The following KMT2A variants were observed in gnomAD, a reference collection of about 807,000 sequenced individuals.
KMT2A encodes lysine methyltransferase 2A.
In KMT2A, 16 loss-of-function variants were observed where a neutral mutation model predicts 345.3. That is an observed-to-expected ratio of 0.05 (90% CI 0.03 to 0.07). The LOEUF (loss-of-function observed/expected upper bound fraction) is 0.07. KMT2A is among the 10% of genes least tolerant of loss of function. The probability of loss-of-function intolerance (pLI) is 1.00; values close to 1 mark genes in which losing one functional copy is unlikely to be tolerated. For synonymous variants in KMT2A, 1,599 were observed against 1,778.6 expected, an observed-to-expected ratio of 0.90 and a Z score of 2.54; for missense variants, 3,272 against 4,841.6, an observed-to-expected ratio of 0.68 and a Z score of 9.62.
chr11:118,499,475 C>A, intron 23 of KMT2A, 55 bp downstream of exon 23: 1 of 1,155,766 alleles, frequency 8.7e-7, no homozygotes, highest in South Asian at 1.2e-5. Context: ...GGGGAAATTT[C>A]TGGTCCTCAG....
intron 1 of KMT2A, among the ~76,000 whole-genome samples, chr11:118,439,881 G>A (rs1949278366): frequency 6.6e-6 from 1 of 151,828 alleles, no homozygotes; most frequent in South Asian, 2.1e-4. Context: ...GCATTGAGTA[G>A]TGGTAAACCT....
chr11:118,461,923 AAGG>A (rs1247886957), intron 1 of KMT2A, among the ~76,000 whole-genome samples: 1 of 152,078 alleles, frequency 6.6e-6, no homozygotes, highest in Non-Finnish European at 1.5e-5. Context: ...AGTGCAGTGA[AAGG>A]AGGACTTTTT....
intron 31 of KMT2A, among the ~76,000 whole-genome samples, chr11:118,517,260 G>A (rs1278860384): frequency 6.6e-6 from 1 of 151,884 alleles, no homozygotes; most frequent in African/African-American, 2.4e-5. Context: ...GCCAGGCGTG[G>A]TGGCGGGCGC....
intron 3 of KMT2A, among the ~76,000 whole-genome samples, chr11:118,475,314 C>T (rs1555037263): frequency 1.3e-5 from 2 of 151,642 alleles, no homozygotes; most frequent in Non-Finnish European, 2.9e-5. Context: ...TAGTCACTGG[C>T]CTTTTCTGAG....
In KMT2A at chr11:118,477,498, C is replaced by CTTTTTTTTTTTTTTTTT. The variant is rs11430367; in HGVS notation, c.3335-458_3335-442dup. Among the ~76,000 whole-genome samples, 21 of 56,944 alleles carry CTTTTTTTTTTTTTTTTT rather than the reference C, an allele frequency of 3.7e-4. 7 individuals are homozygous for CTTTTTTTTTTTTTTTTT. Among genetic ancestry groups the CTTTTTTTTTTTTTTTTT allele is most frequent in the African/African-American group, 1.0e-3 (13 of 12,984 alleles). 37.4% of individuals were successfully genotyped at this position (56,944 alleles called of 152,430 possible). Reference sequence around the variant, plus strand: ...CTTTCATCAAGATGCAAGTTATTGGCTTTTTTTTTTTTTTTTTTTTTTTTT... The same window carrying CTTTTTTTTTTTTTTTTT: ...CTTTCATCAAGATGCAAGTTATTGGCTTTTTTTTTTTTTTTTTTTTTTTTTTTTTTTTTTTTTTTTTT... On this transcript the variant is annotated intron_variant, in intron 4 of 35. Transcript: ENST00000534358.
chr11:118,506,562 A>G lies in KMT2A; in HGVS notation c.10670A>G (p.Lys3557Arg), dbSNP rs782404924. ...CCTCTAGACAAAGGGAATGGCAAGA[A>G]GCACAAAGTTTCCCATTTGCGGACC... ...QLPLDKGNGKKHKVSHLRTSS... is the reference protein window; with the variant it reads ...QLPLDKGNGKRHKVSHLRTSS... The change falls in exon 27 of 36, where the codon AAG (lysine) becomes AGG (arginine). Residue 3557 changes from lysine to arginine, a missense_variant. By Grantham distance (26) the Lys-to-Arg change is conservative. Around this residue, in one of 27 missense-constraint regions of KMT2A, gnomAD observed 748 missense variants for 922.2 expected, o/e 0.81. Transcript: ENST00000534358. The G allele has an allele frequency of 6.2e-7, 1 of 1,614,116 alleles. No individual in the cohort carries two copies. The highest frequency in any genetic ancestry group is 8.5e-7 in the Non-Finnish European group (1 of 1,180,052).
At chr11:118,443,353 C>T (rs1264663570) in intron 1 of KMT2A, among the ~76,000 whole-genome samples, 1 of 152,172 alleles carries the variant, frequency 6.6e-6, no homozygotes, top group African/African-American at 2.4e-5. Flanking sequence ...CTTTTCTTGA[C>T]CTATCCAAAG....
chr11:118,480,942 C>G (rs1406042855), intron 6 of KMT2A, among the ~76,000 whole-genome samples: 3 of 152,178 alleles, frequency 2.0e-5, no homozygotes, highest in Non-Finnish European at 4.4e-5. Flanking sequence ...GCTGGAATTA[C>G]AGGCATGAGC....
chr11:118,481,826 G>A lies in KMT2A; in HGVS notation c.3746G>A (p.Arg1249Lys), dbSNP rs782711000. ...AGTCAGAAACCTACCCCATCAGCAA[G>A]AGAGGATCCTGCCCCAAAGAAAAGC... is the stretch of plus-strand genomic sequence containing the variant. ...DSSQKPTPSA[R>K]EDPAPKKSSS... The change falls in exon 7 of 36, where the codon AGA becomes AAA. Residue 1249 changes from arginine to lysine, a missense_variant. By Grantham distance (26) the Arg-to-Lys change is conservative. Around this residue, in one of 27 missense-constraint regions of KMT2A, gnomAD observed 168 missense variants for 216.0 expected, o/e 0.78. Transcript: ENST00000534358. 6.2e-7 allele frequency: 1 copy of A among 1,614,212 alleles called. No homozygotes were observed. The highest frequency in any genetic ancestry group is 8.5e-7 in the Non-Finnish European group (1 of 1,180,044).
rs782600875 is a variant in KMT2A, at chr11:118,436,728, T to G, written c.216T>G (p.Ala72=). The G allele has an allele frequency of 6.6e-7, 1 of 1,524,148 alleles. No individual in the cohort carries two copies. The highest frequency in any genetic ancestry group is 8.8e-7 in the Non-Finnish European group (1 of 1,132,994). The allele number at this position is 1,524,148 out of a possible 1,614,324, so 94.4% of individuals were successfully genotyped here. Residue 72 remains alanine, a synonymous_variant, in exon 1 of 36, where the codon GCT becomes GCG. Coordinates refer to ENST00000534358, the MANE Select transcript of KMT2A (RefSeq NM_001197104.2). The surrounding 1 kb of genome is among the most constrained non-coding windows in gnomAD (Gnocchi z 6.9). ...CGGCGGCGGCGGGAAGCAGCGGGGC[T>G]GGGGTTCCAGGGGGAGCGGCCGCCG... ...AAAAAAGSSG[A]GVPGGAAAAS...
rs1270774608 is a variant in KMT2A at position 118,498,771 on chromosome 11, T to C, written c.5961+243T>C. ...TGTAGTTTACATCAGCATTCACTCT[T>C]GGTGTTGTACATTCTGTGGGTTTGG... is the stretch of plus-strand genomic sequence containing the variant. On this transcript the variant is annotated intron_variant, in intron 22 of 35. Transcript: ENST00000534358. This position sits in a 1 kb window ranked among gnomAD's most constrained non-coding sequence, Gnocchi z 4.4. Among the ~76,000 whole-genome samples, 1 of 152,162 alleles carries C rather than the reference T, an allele frequency of 6.6e-6. No individual in the cohort carries two copies. Among genetic ancestry groups the C allele is most frequent in the Non-Finnish European group, 1.5e-5 (1 of 68,028 alleles).
At position 118,472,676 on chromosome 11, in the gene KMT2A, C is replaced by G; in HGVS notation, c.1517C>G (p.Thr506Ser). ...IQVLPEERSD[T>S]PEVHPPLPIS... ...GTACTTCCTGAGGAGCGGAGCGATACCCCTGAAGTTCATCCTCCACTGCCC... is the reference window on the plus strand; with the variant it reads ...GTACTTCCTGAGGAGCGGAGCGATAGCCCTGAAGTTCATCCTCCACTGCCC... Residue 506 changes from threonine to serine, a missense_variant, in exon 3 of 36, where the codon ACC becomes AGC. Around this residue, in one of 27 missense-constraint regions of KMT2A, gnomAD observed 180 missense variants for 190.7 expected, o/e 0.94. Transcript: ENST00000534358. 6.2e-7 allele frequency: 1 copy of G among 1,613,104 alleles called. No homozygotes were observed.
intron 6 of KMT2A, among the ~76,000 whole-genome samples, chr11:118,481,180 T>G (rs1171095523): frequency 2.0e-5 from 3 of 152,100 alleles, no homozygotes; most frequent in African/African-American, 7.2e-5. Flanking sequence ...AAATACTAGA[T>G]CTCATTCACT....
Position 118,507,444 on chromosome 11 carries a change from G to A in KMT2A, c.10755-85G>A, listed in dbSNP as rs563389604. ...TTATAGACTTTATCAGATCCTGATAGAGCCATTTCTTTCGACTCACCTCCA... is the reference window on the plus strand; with the variant it reads ...TTATAGACTTTATCAGATCCTGATAAAGCCATTTCTTTCGACTCACCTCCA... On this transcript the variant is annotated intron_variant, in intron 27 of 35. Coordinates refer to ENST00000534358, the MANE Select transcript of KMT2A (RefSeq NM_001197104.2). 4.6e-4 allele frequency: 527 copies of A among 1,152,840 alleles called. 4 individuals carry two copies. In the South Asian group the frequency reaches 6.4e-3, roughly 14 times the overall value. The allele number at this position is 1,152,840 out of a possible 1,614,324, so 71.4% of individuals were successfully genotyped here. A position where few individuals can be genotyped will look rare whatever the true frequency, so the allele number is the denominator to read the frequency against.
chr11:118,522,278 C>T lies in KMT2A; in HGVS notation c.*106C>T. On this transcript the variant is annotated 3_prime_UTR_variant, in exon 36 of 36. Coordinates refer to ENST00000534358, the MANE Select transcript of KMT2A (RefSeq NM_001197104.2). The surrounding 1 kb of genome is among the most constrained non-coding windows in gnomAD (Gnocchi z 5.4). ...GGAGCTCCCGGATTGCGTGGCACAG[C>T]TGAGGGGCCTCTGTGATGGCTGAGC... The T allele has an allele frequency of 3.5e-6, 4 of 1,150,498 alleles. No individual in the cohort carries two copies. Among genetic ancestry groups the T allele is most frequent in the Non-Finnish European group, 5.0e-6 (4 of 798,138 alleles). The allele number at this position is 1,150,498 out of a possible 1,614,324, so 71.3% of individuals were successfully genotyped here.
At chr11:118,518,805 C>T (rs1243540571) in intron 31 of KMT2A, among the ~76,000 whole-genome samples, 2 of 141,094 alleles carry the variant, frequency 1.4e-5, no homozygotes, top group African/African-American at 2.6e-5. Flanking sequence ...AAGCCGGGCG[C>T]GGTGGCTCAC....
rs1229161212 is a variant in KMT2A at position 118,520,208 on chromosome 11, T to C, written c.11429+144T>C. 1 of 624,756 alleles carries C rather than the reference T, an allele frequency of 1.6e-6. No homozygotes were observed. The highest frequency in any genetic ancestry group is 2.9e-5 in the Admixed American group (1 of 34,816). 38.7% of individuals were successfully genotyped at this position (624,756 alleles called of 1,614,324 possible). ...AAAACCATTTGTGTTGAAGTAGCAGTAGGTGCCTGGTAAGGAGTGAGGAAT... is the reference window on the plus strand; with the variant it reads ...AAAACCATTTGTGTTGAAGTAGCAGCAGGTGCCTGGTAAGGAGTGAGGAAT... On this transcript the variant is annotated intron_variant, in intron 33 of 35. Coordinates refer to ENST00000534358, the MANE Select transcript of KMT2A (RefSeq NM_001197104.2). The surrounding 1 kb of genome is among the most constrained non-coding windows in gnomAD (Gnocchi z 4.3).
At chr11:118,507,972 G>A (rs1950618206) in intron 28 of KMT2A, among the ~76,000 whole-genome samples, 1 of 151,986 alleles carries the variant, frequency 6.6e-6, no homozygotes, top group Non-Finnish European at 1.5e-5. Context: ...CCAAAAAAAA[G>A]GTAAAAAATA....
At chr11:118,492,790 A>G (rs535920328) in intron 15 of KMT2A, among the ~76,000 whole-genome samples, 2 of 152,354 alleles carry the variant, frequency 1.3e-5, no homozygotes, top group Admixed American at 6.5e-5. Context: ...GCTGCTTTCT[A>G]TGTTAAAAGG....
Sources: gnomAD v4.1 joint callset for allele counts (sites outside exome capture counted in the v4.1 genomes callset) on GRCh38, gnomAD v4.1.1 for gene constraint, gnomAD v4.1.1 regional missense constraint, Gnocchi (gnomAD v3.1) non-coding constraint, MANE v1.5 for transcripts, NCBI Gene and HGNC (gene_info 2026-07-23, HGNC 2026-07-21) for gene names.